The following PIGF variants were observed in gnomAD, a reference collection of about 807,000 sequenced individuals.
PIGF encodes phosphatidylinositol glycan anchor biosynthesis class F, also known as GPI ethanolamine phosphate transferase, stabilizing subunit.
PIGF carries 23 observed loss-of-function variants against 26.0 expected under a neutral mutation model. That is an observed-to-expected ratio of 0.88 (90% CI 0.64 to 1.25). The LOEUF (loss-of-function observed/expected upper bound fraction) is 1.25, where lower values mean the gene tolerates loss of function less well. PIGF is among the 50% of genes most tolerant of loss of function. PIGF has a pLI of 0.00. For synonymous variants in PIGF, 93 were observed against 92.6 expected, an observed-to-expected ratio of 1.00 and a Z score of -0.03; for missense variants, 278 against 249.9, an observed-to-expected ratio of 1.11 and a Z score of -0.76.
chr2:46,613,979 A>C, intron 2 of PIGF, 194 bp from the exon 3 acceptor site: 2 of 494,122 alleles, frequency 4.0e-6, no homozygotes, highest in Non-Finnish European at 7.2e-6. Flanking sequence ...AAAAGCCTAA[A>C]AGGCAAATAC....
intron 4 of PIGF, among the ~76,000 whole-genome samples, chr2:46,610,557 T>A (rs1670379012): frequency 7.1e-6 from 1 of 140,478 alleles, no homozygotes; most frequent in Admixed American, 7.2e-5. Context: ...TGAGACAGAT[T>A]CTCACTATGT....
intron 5 of PIGF, among the ~76,000 whole-genome samples, chr2:46,586,908 T>A (rs1669594131): frequency 6.6e-6 from 1 of 152,258 alleles, no homozygotes; most frequent in Non-Finnish European, 1.5e-5. Flanking sequence ...CTAAGAATAC[T>A]ACTTTAGGAA....
chr2:46,596,853 G>A (rs7590693), intron 4 of PIGF, among the ~76,000 whole-genome samples: 43,907 of 151,972 alleles, frequency 0.29, 6,585 homozygotes, highest in Admixed American at 0.35. Flanking sequence ...TAATGTCTAC[G>A]TTATGATGAT....
intron 4 of PIGF, among the ~76,000 whole-genome samples, chr2:46,611,770 A>C (rs929079768): frequency 6.6e-6 from 1 of 152,206 alleles, no homozygotes; most frequent in Non-Finnish European, 1.5e-5. Context: ...GTATCTTATC[A>C]CAAAAAAGGC....
chr2:46,588,317 A>G lies in PIGF; in HGVS notation c.546+4158T>C. Reference sequence around the variant, plus strand: ...TGCTGGGCAGAAAAAATAAAACAACAAACTGAGACAATTAACATATTCTCT... The same window carrying G: ...TGCTGGGCAGAAAAAATAAAACAACGAACTGAGACAATTAACATATTCTCT... On this transcript the variant is annotated intron_variant, in intron 5 of 5. Transcript: ENST00000281382. The surrounding 1 kb of genome is among the most constrained non-coding windows in gnomAD (Gnocchi z 4.1). The G allele has an allele frequency of 1.8e-6, 2 of 1,101,226 alleles. No individual in the cohort carries two copies. The highest frequency in any genetic ancestry group is 1.3e-6 in the Non-Finnish European group (1 of 794,480). The allele number at this position is 1,101,226 out of a possible 1,614,324, so 68.2% of individuals were successfully genotyped here. A position where few individuals can be genotyped will look rare whatever the true frequency, so the allele number is the denominator to read the frequency against.
chr2:46,595,668 GAACT>G (rs1669860243), intron 4 of PIGF, among the ~76,000 whole-genome samples: 1 of 152,168 alleles, frequency 6.6e-6, no homozygotes. Context: ...ATCACTTGAG[GAACT>G]AACTACCAGA....
rs549897439 is a variant in PIGF, at chr2:46,581,417, A to G, written c.*61T>C. ...TAAATGGAACTGCTTGGCTTTGACCATACACATTTCTGCCCAGCCCTTACA... is the reference window on the plus strand; with the variant it reads ...TAAATGGAACTGCTTGGCTTTGACCGTACACATTTCTGCCCAGCCCTTACA... On this transcript the variant is annotated 3_prime_UTR_variant, in exon 6 of 6. Coordinates refer to ENST00000281382, the MANE Select transcript of PIGF (RefSeq NM_002643.4). 4 of 1,574,748 alleles carry G rather than the reference A, an allele frequency of 2.5e-6. No homozygotes were observed. Among genetic ancestry groups the G allele is most frequent in the Non-Finnish European group, 3.4e-6 (4 of 1,159,770 alleles).
chr2:46,592,261 A>G (rs1171595595), intron 5 of PIGF, among the ~76,000 whole-genome samples: 1 of 152,192 alleles, frequency 6.6e-6, no homozygotes, highest in Non-Finnish European at 1.5e-5. Flanking sequence ...ATGTGCAAAA[A>G]ATAGTGCTAG....
At chr2:46,590,031 C>T (rs183487944) in intron 5 of PIGF, among the ~76,000 whole-genome samples, 3 of 152,134 alleles carry the variant, frequency 2.0e-5, no homozygotes, top group Admixed American at 1.3e-4. Context: ...ACAGTGAATA[C>T]GTGGGTCATT....
At chr2:46,593,291 C>A (rs1182993984) in intron 4 of PIGF, among the ~76,000 whole-genome samples, 1 of 152,062 alleles carries the variant, frequency 6.6e-6, no homozygotes, top group Non-Finnish European at 1.5e-5. Flanking sequence ...TGCCACCATG[C>A]CCAGCTAATT....
In PIGF at chr2:46,588,468, AG is replaced by A; in HGVS notation, c.546+4006del. On this transcript the variant is annotated intron_variant, in intron 5 of 5. Transcript: ENST00000281382. The surrounding 1 kb of genome is among the most constrained non-coding windows in gnomAD (Gnocchi z 4.1). Reference sequence around the variant, plus strand: ...ATTAATTAAGTAATAACCATGTGTCAGGTGCTGAGCTAGGTATTTTAGAGGG... The same window carrying A: ...ATTAATTAAGTAATAACCATGTGTCAGTGCTGAGCTAGGTATTTTAGAGGG... 3.8e-6 allele frequency: 1 copy of A among 264,722 alleles called. No homozygotes were observed. The highest frequency in any genetic ancestry group is 7.3e-6 in the Non-Finnish European group (1 of 137,432). 16.4% of individuals were successfully genotyped at this position (264,722 alleles called of 1,614,324 possible).
At chr2:46,607,058 A>C (rs1469799578) in intron 4 of PIGF, among the ~76,000 whole-genome samples, 2 of 152,242 alleles carry the variant, frequency 1.3e-5, no homozygotes, top group Non-Finnish European at 2.9e-5. Context: ...GCAAATCTAT[A>C]GAGACAGTAA....
chr2:46,598,529 ATT>A (rs747263045), intron 4 of PIGF, among the ~76,000 whole-genome samples: 90 of 103,492 alleles, frequency 8.7e-4, no homozygotes, highest in African/African-American at 1.6e-3. Flanking sequence ...ACATTATGAG[ATT>A]TTTTTTTTTT....
intron 4 of PIGF, among the ~76,000 whole-genome samples, chr2:46,603,992 A>C (rs996596361): frequency 6.6e-6 from 1 of 152,080 alleles, no homozygotes; most frequent in Non-Finnish European, 1.5e-5. Context: ...CTATATAGAG[A>C]GCTCAAACAA....
At chr2:46,604,224 G>A (rs144077122) in intron 4 of PIGF, among the ~76,000 whole-genome samples, 1 of 152,158 alleles carries the variant, frequency 6.6e-6, no homozygotes, top group East Asian at 1.9e-4. Context: ...ACAAATGCTG[G>A]CGAGGATGTG....
chr2:46,592,625 G>A (rs1185379150), intron 4 of PIGF, 42 bp from the exon 5 acceptor site: 2 of 920,632 alleles, frequency 2.2e-6, no homozygotes, highest in East Asian at 4.8e-5. Context: ...GTATATACAT[G>A]AGCTGCTGGA....
At chr2:46,601,769 A>G (rs1319486504) in intron 4 of PIGF, among the ~76,000 whole-genome samples, 3 of 152,042 alleles carry the variant, frequency 2.0e-5, no homozygotes, top group Non-Finnish European at 4.4e-5. Flanking sequence ...ATTTCAATAC[A>G]AAGATGACAA....
chr2:46,613,841 T>C (rs925689549), intron 2 of PIGF, 56 bp from the exon 3 acceptor site: 1 of 1,403,422 alleles, frequency 7.1e-7, no homozygotes, highest in Non-Finnish European at 9.7e-7. Context: ...GGACAATAAA[T>C]TCTTCCATTT....
At chr2:46,593,427 G>A (rs1432128844) in intron 4 of PIGF, among the ~76,000 whole-genome samples, 4 of 152,102 alleles carry the variant, frequency 2.6e-5, no homozygotes, top group South Asian at 2.1e-4. Context: ...CACTGCACCC[G>A]GCCTCAACTA....
Sources: gnomAD v4.1 joint callset for allele counts (sites outside exome capture counted in the v4.1 genomes callset) on GRCh38, gnomAD v4.1.1 for gene constraint, Gnocchi (gnomAD v3.1) non-coding constraint, MANE v1.5 for transcripts, NCBI Gene and HGNC (gene_info 2026-07-23, HGNC 2026-07-21) for gene names.